PRKCG: variants seen among roughly 807,000 people sequenced by gnomAD.
PRKCG encodes protein kinase C gamma.
Under a neutral mutation model 82.0 loss-of-function variants are expected in PRKCG, and 28 were observed. The observed-to-expected ratio is 0.34, with a 90% CI of 0.25 to 0.47. The LOEUF (loss-of-function observed/expected upper bound fraction) is 0.47. Among genes scored for constraint, PRKCG ranks in the 20% least tolerant of loss-of-function variants. PRKCG has a pLI of 1.00. For missense variants in PRKCG, 640 were observed against 952.7 expected (o/e 0.67, Z 4.32); for synonymous variants, 383 against 376.6 (o/e 1.02, Z -0.20).
At position 53,890,018 on chromosome 19, in the gene PRKCG, G is replaced by A; in HGVS notation, c.529+1G>A. ...ACAGCAGATGAGATCCACGTAACTG[G>A]TGAGGCCCCGCCCCCTCGCCTGGCC... is the stretch of plus-strand genomic sequence containing the variant. On this transcript the variant is annotated splice_donor_variant, in intron 5 of 17. Coordinates refer to ENST00000263431, the MANE Select transcript of PRKCG (RefSeq NM_002739.5). LOFTEE classifies it high-confidence loss of function. 1 of 1,557,908 alleles carries A rather than the reference G, an allele frequency of 6.4e-7. No individual in the cohort carries two copies. The highest frequency in any genetic ancestry group is 8.7e-7 in the Non-Finnish European group (1 of 1,153,984).
chr19:53,894,725 G>A (rs925215662), intron 9 of PRKCG, among the ~76,000 whole-genome samples: 2 of 152,134 alleles, frequency 1.3e-5, no homozygotes, highest in Non-Finnish European at 2.9e-5. Context: ...CTCCCAAAGC[G>A]CTGAGATTAG....
In PRKCG at chr19:53,906,826, C is replaced by T. The variant is rs2068816213; in HGVS notation, c.2025C>T (p.Tyr675=). Residue 675 remains tyrosine (Y), a synonymous_variant, in exon 18 of 18, where the codon TAC becomes TAT. Coordinates refer to ENST00000263431, the MANE Select transcript of PRKCG (RefSeq NM_002739.5). ...AGGCCGATTTCCAGGGCTTCACCTACGTGAACCCCGACTTCGTGCACCCGG... is the reference window on the plus strand; with the variant it reads ...AGGCCGATTTCCAGGGCTTCACCTATGTGAACCCCGACTTCGTGCACCCGG... The part of the protein sequence containing the change: ...IDQADFQGFT[Y]VNPDFVHPDA... 1.9e-6 allele frequency: 3 copies of T among 1,613,668 alleles called. No homozygotes were observed. Among genetic ancestry groups the T allele is most frequent in the Admixed American group, 1.7e-5 (1 of 60,010 alleles).
chr19:53,898,329 A>G, intron 10 of PRKCG, 111 bp from the exon 11 acceptor site: 1 of 1,431,102 alleles, frequency 7.0e-7, no homozygotes, highest in Middle Eastern at 1.8e-4. Context: ...GTCCCTTAAG[A>G]GATGGAGGAA....
Position 53,889,716 on chromosome 19 carries a change from T to C in PRKCG, c.364T>C (p.Tyr122His). ...TFCDHCGSLL[Y>H]GLVHQGMKCS... ...CTGCGACCACTGTGGCTCCCTCCTC[T>C]ACGGGCTTGTGCACCAGGGCATGAA... Residue 122 changes from tyrosine to histidine, a missense_variant, in exon 4 of 18, where the codon TAC becomes CAC. This residue lies in a region of PRKCG where 50 missense variants were observed against 146.5 expected (regional missense o/e 0.34). Transcript: ENST00000263431. This position sits in a 1 kb window ranked among gnomAD's most constrained non-coding sequence, Gnocchi z 4.4. 2 of 1,614,144 alleles carry C rather than the reference T, an allele frequency of 1.2e-6. No homozygotes were observed. Among genetic ancestry groups the C allele is most frequent in the Non-Finnish European group, 1.7e-6 (2 of 1,180,012 alleles).
intron 11 of PRKCG, among the ~76,000 whole-genome samples, 171 bp downstream of exon 11, chr19:53,898,799 G>A (rs1176904775): frequency 2.9e-5 from 3 of 103,406 alleles, no homozygotes; most frequent in African/African-American, 7.1e-5. Context: ...GGGTCCTTGG[G>A]GGGCGTGGCC....
At chr19:53,887,233 C>T (rs1160267156) in intron 3 of PRKCG, among the ~76,000 whole-genome samples, 1 of 152,056 alleles carries the variant, frequency 6.6e-6, no homozygotes, top group East Asian at 1.9e-4. Context: ...CACAGTGGCT[C>T]ACGCCTGTAA....
intron 3 of PRKCG, among the ~76,000 whole-genome samples, chr19:53,888,220 G>A (rs1437218283): frequency 6.6e-6 from 1 of 152,126 alleles, no homozygotes; most frequent in Non-Finnish European, 1.5e-5. Context: ...AAGGATCCTG[G>A]AAACTGCCAA....
At chr19:53,893,459 T>A in intron 9 of PRKCG, 68 bp downstream of exon 9, 1 of 1,503,086 alleles carries the variant, frequency 6.7e-7, no homozygotes, top group Non-Finnish European at 9.3e-7. Flanking sequence ...ATTCCTCCTC[T>A]GACTTCTGTC....
chr19:53,890,352 G>C (rs113173116), intron 5 of PRKCG, among the ~76,000 whole-genome samples: 3,668 of 152,106 alleles, frequency 0.024, 80 homozygotes, highest in African/African-American at 0.057. Context: ...CGCCTCCCGG[G>C]TTCAAGTGAT....
chr19:53,892,763 C>T lies in PRKCG; in HGVS notation c.821+120C>T. 5 of 1,190,112 alleles carry T rather than the reference C, an allele frequency of 4.2e-6. No individual in the cohort carries two copies. Among genetic ancestry groups the T allele is most frequent in the Non-Finnish European group, 5.9e-6 (5 of 848,316 alleles). The allele number at this position is 1,190,112 out of a possible 1,614,324, so 73.7% of individuals were successfully genotyped here. On this transcript the variant is annotated intron_variant, in intron 7 of 17. Transcript: ENST00000263431. This position sits in a 1 kb window ranked among gnomAD's most constrained non-coding sequence, Gnocchi z 5.9. ...GCCTCCCAGCATGCGCACACACACA[C>T]ACACACACACACACACACGCACACA...
At chr19:53,904,515 G>T (rs966497198) in intron 15 of PRKCG, 120 bp from the exon 16 acceptor site, 85 of 780,622 alleles carry the variant, frequency 1.1e-4, no homozygotes, top group Admixed American at 2.6e-4. Flanking sequence ...GTGTGGTCAG[G>T]TGTGCATGTG....
chr19:53,906,000 TCTCTGTCTCG>T (rs1283704456), intron 16 of PRKCG, among the ~76,000 whole-genome samples: 3 of 117,340 alleles, frequency 2.6e-5, no homozygotes, highest in African/African-American at 1.4e-4. Flanking sequence ...TCTCTGTCTC[TCTCTGTCTCG>T]CTCTCTGTCT....
intron 14 of PRKCG, among the ~76,000 whole-genome samples, chr19:53,901,278 T>C (rs2068761286): frequency 2.0e-5 from 3 of 152,304 alleles, no homozygotes; most frequent in South Asian, 4.1e-4. Flanking sequence ...GCGCGGTGGC[T>C]CACACCTGTA....
chr19:53,890,615 T>G (rs1318723790), intron 5 of PRKCG, among the ~76,000 whole-genome samples: 1 of 150,000 alleles, frequency 6.7e-6, no homozygotes, highest in African/African-American at 2.5e-5. Context: ...GGAGTCTTGC[T>G]CTGTCACCCA....
chr19:53,884,099 C>T lies in PRKCG; in HGVS notation c.203-62C>T. On this transcript the variant is annotated intron_variant, in intron 2 of 17. Coordinates refer to ENST00000263431, the MANE Select transcript of PRKCG (RefSeq NM_002739.5). The surrounding 1 kb of genome is among the most constrained non-coding windows in gnomAD (Gnocchi z 4.6). ...CTCTCTCTTTCCAATTTTCTGTCTG[C>T]TGGGGTCTCCCGCTGGACTAATCCA... 6.6e-7 allele frequency: 1 copy of T among 1,526,630 alleles called. No homozygotes were observed. Among genetic ancestry groups the T allele is most frequent in the Non-Finnish European group, 9.1e-7 (1 of 1,101,920 alleles). 94.6% of individuals were successfully genotyped at this position (1,526,630 alleles called of 1,614,324 possible). A position where few individuals can be genotyped will look rare whatever the true frequency, so the allele number is the denominator to read the frequency against.
intron 15 of PRKCG, 22 bp downstream of exon 15, chr19:53,903,175 C>T (rs1313667498): frequency 1.5e-5 from 24 of 1,598,696 alleles, no homozygotes; most frequent in East Asian, 2.2e-5. Flanking sequence ...TGGGGAGAAG[C>T]TGGCTTGGCT....
In PRKCG at chr19:53,906,365, G is replaced by C. The variant is rs138962503; in HGVS notation, c.1813G>C (p.Glu605Gln). ...GCGCCTGGGCTCAGGGCCTGATGGG[G>C]AACCTACCATCCGTGCACATGGCTT... ...GKRLGSGPDGEPTIRAHGFFR... is the reference protein window; with the variant it reads ...GKRLGSGPDGQPTIRAHGFFR... The change falls in exon 17 of 18, where the codon GAA (glutamate) becomes CAA (glutamine). Residue 605 changes from glutamate to glutamine, a missense_variant. Physicochemically the swap from Glu to Gln is conservative, Grantham distance 29. Coordinates refer to ENST00000263431, the MANE Select transcript of PRKCG (RefSeq NM_002739.5). 1.2e-5 allele frequency: 18 copies of C among 1,554,312 alleles called. No homozygotes were observed. Among genetic ancestry groups the C allele is most frequent in the Non-Finnish European group, 1.6e-5 (18 of 1,148,434 alleles).
chr19:53,906,592 C>A, intron 17 of PRKCG, 115 bp from the exon 18 acceptor site: 5 of 1,549,516 alleles, frequency 3.2e-6, no homozygotes, highest in Non-Finnish European at 4.4e-6. Flanking sequence ...GTGCAGACAC[C>A]ATGAAGCATG....
At position 53,882,407 on chromosome 19, in the gene PRKCG, T is replaced by G. The variant is rs765779813; in HGVS notation, c.-88T>G. The stretch of plus-strand genomic sequence containing the variant: ...ACCTCGGAATTTCCCTGTGGCTCCT[T>G]TGATCCTTCGAGTCTCCAGCTCCTC... On this transcript the variant is annotated 5_prime_UTR_variant, in exon 1 of 18. Transcript: ENST00000263431. The surrounding 1 kb of genome is among the most constrained non-coding windows in gnomAD (Gnocchi z 6.1). 6.5e-7 allele frequency: 1 copy of G among 1,548,732 alleles called. No homozygotes were observed. The highest frequency in any genetic ancestry group is 8.7e-7 in the Non-Finnish European group (1 of 1,144,212).
Sources: gnomAD v4.1 joint callset for allele counts (sites outside exome capture counted in the v4.1 genomes callset) on GRCh38, gnomAD v4.1.1 for gene constraint, gnomAD v4.1.1 regional missense constraint, Gnocchi (gnomAD v3.1) non-coding constraint, MANE v1.5 for transcripts, NCBI Gene and HGNC (gene_info 2026-07-23, HGNC 2026-07-21) for gene names.